The following DLGAP2 variants were observed in gnomAD, a reference collection of about 807,000 sequenced individuals.
The protein encoded by DLGAP2 is disks large-associated protein 2.
DLGAP2 carries 26 observed loss-of-function variants against 100.3 expected under a neutral mutation model. That is an observed-to-expected ratio of 0.26 (90% CI 0.19 to 0.36). The LOEUF (loss-of-function observed/expected upper bound fraction) is 0.36, where lower values mean the gene tolerates loss of function less well. Among genes scored for constraint, DLGAP2 ranks in the 10% least tolerant of loss-of-function variants. The pLI is 1.00. For synonymous variants in DLGAP2, 886 were observed against 630.1 expected (o/e 1.41, Z -6.08); for missense variants, 1,858 against 1,453.2 (o/e 1.28, Z -4.53).
intron 2 of DLGAP2, among the ~76,000 whole-genome samples, chr8:1,006,269 G>A (rs960939620): frequency 2.6e-5 from 4 of 152,198 alleles, no homozygotes; most frequent in East Asian, 1.9e-4. Flanking sequence ...CTTCTGGGGA[G>A]GATTGTGCCT....
chr8:1,349,090 C>T (rs1383976243), intron 3 of DLGAP2, among the ~76,000 whole-genome samples: 177 of 151,732 alleles, frequency 1.2e-3, no homozygotes, highest in African/African-American at 3.8e-3. Context: ...CAGTGTGCTG[C>T]TCAGAGAGTG....
At chr8:1,125,831 G>T (rs915502698) in intron 2 of DLGAP2, among the ~76,000 whole-genome samples, 2 of 152,260 alleles carry the variant, frequency 1.3e-5, no homozygotes, top group African/African-American at 4.8e-5. Context: ...TAAGCCTGGA[G>T]TTAGTGGGGC....
chr8:1,142,442 A>T (rs1229514309), intron 2 of DLGAP2, among the ~76,000 whole-genome samples: 1 of 152,220 alleles, frequency 6.6e-6, no homozygotes, highest in Non-Finnish European at 1.5e-5. Context: ...GCACACAGAG[A>T]TTAGAAGGGA....
intron 3 of DLGAP2, among the ~76,000 whole-genome samples, chr8:1,435,115 G>A (rs1444810971): frequency 6.6e-6 from 1 of 152,172 alleles, no homozygotes; most frequent in African/African-American, 2.4e-5. Flanking sequence ...ACCTACTCGG[G>A]CCTACTGTGT....
chr8:1,441,924 C>T (rs1041594132), intron 3 of DLGAP2, among the ~76,000 whole-genome samples: 2 of 151,982 alleles, frequency 1.3e-5, no homozygotes, highest in African/African-American at 2.4e-5. Flanking sequence ...GAATACTATG[C>T]GGCCATGAAA....
chr8:807,790 C>G (rs927623192), intron 1 of DLGAP2, among the ~76,000 whole-genome samples: 1 of 152,164 alleles, frequency 6.6e-6, no homozygotes, highest in African/African-American at 2.4e-5. Flanking sequence ...TTACTGCTAC[C>G]CATTTTCCCT....
Position 1,548,690 on chromosome 8 carries a change from G to T in DLGAP2, c.237G>T (p.Arg79Ser). The T allele has an allele frequency of 1.2e-6, 2 of 1,605,750 alleles. No homozygotes were observed. Among genetic ancestry groups the T allele is most frequent in the Non-Finnish European group, 8.5e-7 (1 of 1,177,324 alleles). ...FNEERYSPAPRSMKGLSGSRT... is the reference protein window; with the variant it reads ...FNEERYSPAPSSMKGLSGSRT... ...AGGAGCGCTACTCGCCCGCGCCCAG[G>T]AGCATGAAGGGCCTTTCCGGAAGTC... The change falls in exon 5 of 15, where the codon AGG (arginine) becomes AGT (serine). Residue 79 changes from arginine (R) to serine (S), a missense_variant. Transcript: ENST00000637795.
rs111704455 is a variant in DLGAP2, at chr8:1,037,739, C to T, written c.73+129773C>T. 8.1e-3 allele frequency among the ~76,000 whole-genome samples: 1,231 copies of T among 152,300 alleles called. 21 individuals are homozygous for T. The highest frequency in any genetic ancestry group is 0.027 in the African/African-American group (1,107 of 41,546). On this transcript the variant is annotated intron_variant, in intron 2 of 14. Transcript: ENST00000637795. ...ATGCAAAACCCAGCCCCCTTTTAGC[C>T]GCTTTGGGCCGTTAAAATATCCAAG...
chr8:782,011 C>T (rs764332053), intron 1 of DLGAP2, among the ~76,000 whole-genome samples: 1 of 151,994 alleles, frequency 6.6e-6, no homozygotes, highest in African/African-American at 2.4e-5. Context: ...TTCAATCAAC[C>T]AGCAGGATGA....
At chr8:1,314,738 C>T (rs563487339) in intron 3 of DLGAP2, among the ~76,000 whole-genome samples, 7 of 152,324 alleles carry the variant, frequency 4.6e-5, no homozygotes, top group East Asian at 3.9e-4. Context: ...CGAGGACTTT[C>T]GGGGGTCTCC....
chr8:1,666,244 GA>G (rs1204163829), intron 8 of DLGAP2, among the ~76,000 whole-genome samples: 2 of 151,680 alleles, frequency 1.3e-5, no homozygotes, highest in Admixed American at 6.5e-5. Flanking sequence ...AGGAACAAAA[GA>G]AAAAAAGACA....
intron 2 of DLGAP2, among the ~76,000 whole-genome samples, chr8:1,095,425 T>C (rs1218185480): frequency 6.6e-6 from 1 of 152,140 alleles, no homozygotes; most frequent in Non-Finnish European, 1.5e-5. Context: ...GGATCCTCCA[T>C]CAGGGCTGCT....
intron 2 of DLGAP2, among the ~76,000 whole-genome samples, chr8:1,083,834 C>T (rs934116258): frequency 6.6e-6 from 1 of 152,042 alleles, no homozygotes; most frequent in African/African-American, 2.4e-5. Flanking sequence ...TATTTTGCAC[C>T]ACAATGAATT....
intron 1 of DLGAP2, among the ~76,000 whole-genome samples, chr8:790,548 G>A (rs574817158): frequency 2.0e-5 from 3 of 152,312 alleles, no homozygotes; most frequent in African/African-American, 4.8e-5. Flanking sequence ...GGTGTGAGTA[G>A]TTGGCTTAGC....
intron 3 of DLGAP2, among the ~76,000 whole-genome samples, chr8:1,482,246 CTT>C (rs1799118716): frequency 6.6e-6 from 1 of 152,186 alleles, no homozygotes; most frequent in Non-Finnish European, 1.5e-5. Context: ...CACTGTTTCT[CTT>C]TTAAAAGAAA....
chr8:1,423,089 A>T (rs566721555), intron 3 of DLGAP2, among the ~76,000 whole-genome samples: 2 of 152,368 alleles, frequency 1.3e-5, no homozygotes, highest in East Asian at 3.9e-4. Flanking sequence ...AACAGTGTAG[A>T]CAAGTGGAAA....
chr8:994,698 C>T (rs970419309), intron 2 of DLGAP2, among the ~76,000 whole-genome samples: 3 of 152,162 alleles, frequency 2.0e-5, no homozygotes, highest in African/African-American at 7.2e-5. Flanking sequence ...TAGGAGATGG[C>T]GTGATCCATC....
intron 1 of DLGAP2, among the ~76,000 whole-genome samples, chr8:800,223 G>A (rs887583673): frequency 3.3e-5 from 5 of 152,160 alleles, no homozygotes; most frequent in South Asian, 4.1e-4. Context: ...GACTTTGTGC[G>A]GCAGAATCAT....
At chr8:1,443,416 A>G (rs959445959) in intron 3 of DLGAP2, among the ~76,000 whole-genome samples, 2 of 152,206 alleles carry the variant, frequency 1.3e-5, no homozygotes, top group African/African-American at 2.4e-5. Context: ...GCGGCTGTAC[A>G]TGGGTTTATT....
Sources: gnomAD v4.1 joint callset for allele counts (sites outside exome capture counted in the v4.1 genomes callset) on GRCh38, gnomAD v4.1.1 for gene constraint, MANE v1.5 for transcripts, NCBI Gene and HGNC (gene_info 2026-07-23, HGNC 2026-07-21) for gene names.